The following HHIP variants were observed in gnomAD, a reference collection of about 807,000 sequenced individuals.
The protein encoded by HHIP is hedgehog interacting protein, also known as hedgehog-interacting protein.
Under a neutral mutation model 74.0 loss-of-function variants are expected in HHIP, and 12 were observed. That is an observed-to-expected ratio of 0.16 (90% CI 0.10 to 0.26). The LOEUF is 0.26. Among genes scored for constraint, HHIP ranks in the 10% least tolerant of loss-of-function variants. The pLI, the probability that HHIP is intolerant of heterozygous loss-of-function variation, is 1.00. For synonymous variants in HHIP, 309 were observed against 311.6 expected, an observed-to-expected ratio of 0.99 and a Z score of 0.09; for missense variants, 788 against 845.0, an observed-to-expected ratio of 0.93 and a Z score of 0.84.
At chr4:144,654,439 G>A (rs968496409) in intron 2 of HHIP, among the ~76,000 whole-genome samples, 2 of 152,268 alleles carry the variant, frequency 1.3e-5, no homozygotes, top group Middle Eastern at 3.4e-3. Flanking sequence ...AGTGGACAGA[G>A]CAGCAACAGT....
intron 11 of HHIP, among the ~76,000 whole-genome samples, chr4:144,732,247 T>A (rs1730981203): frequency 1.3e-5 from 2 of 152,154 alleles, no homozygotes; most frequent in African/African-American, 4.8e-5. Flanking sequence ...ATGTTATTTA[T>A]CAACTGTGTA....
chr4:144,686,544 A>T (rs527840614), intron 4 of HHIP, among the ~76,000 whole-genome samples: 2 of 152,294 alleles, frequency 1.3e-5, no homozygotes, highest in East Asian at 3.9e-4. Flanking sequence ...TTAAAGATAC[A>T]TTAGAAATAT....
At chr4:144,695,681 T>A (rs1729795161) in intron 4 of HHIP, among the ~76,000 whole-genome samples, 1 of 151,878 alleles carries the variant, frequency 6.6e-6, no homozygotes, top group African/African-American at 2.4e-5. Context: ...TATATTTTAA[T>A]GAAAAAACGA....
chr4:144,661,584 A>G (rs1398110503), intron 4 of HHIP, among the ~76,000 whole-genome samples: 1 of 152,208 alleles, frequency 6.6e-6, no homozygotes, highest in Non-Finnish European at 1.5e-5. Context: ...GTCATGCTGC[A>G]CATGGCCTTT....
At chr4:144,736,986 C>T (rs1049020936) in intron 12 of HHIP, among the ~76,000 whole-genome samples, 2 of 152,126 alleles carry the variant, frequency 1.3e-5, no homozygotes, top group Non-Finnish European at 2.9e-5. Flanking sequence ...TGACTCCATC[C>T]CCAGTGACTG....
At chr4:144,723,345 C>T (rs935858227) in intron 11 of HHIP, among the ~76,000 whole-genome samples, 1 of 152,090 alleles carries the variant, frequency 6.6e-6, no homozygotes, top group African/African-American at 2.4e-5. Context: ...ATTCCTCTTC[C>T]CCCCATGGCC....
chr4:144,716,596 C>T (rs1368665869), intron 10 of HHIP, among the ~76,000 whole-genome samples: 1 of 151,804 alleles, frequency 6.6e-6, no homozygotes, highest in Admixed American at 6.6e-5. Flanking sequence ...GCCTGTAATC[C>T]CAGCAATTTG....
In HHIP at chr4:144,681,501, C is replaced by A. The variant is rs1228252023; in HGVS notation, c.831+21663C>A. The stretch of plus-strand genomic sequence containing the variant: ...AGTGCAGTGGCGTAATCTCGGCTCA[C>A]TGCAGCCTCCGCATCCTGGGTCAAG... On this transcript the variant is annotated intron_variant, in intron 4 of 12. Transcript: ENST00000296575. Among the ~76,000 whole-genome samples the A allele has an allele frequency of 3.4e-5, 5 of 147,536 alleles. No individual in the cohort carries two copies. In the Admixed American group the frequency reaches 3.4e-4, roughly 10 times the overall value.
intron 7 of HHIP, among the ~76,000 whole-genome samples, chr4:144,711,076 C>G (rs1008392525): frequency 3.3e-5 from 5 of 152,062 alleles, no homozygotes; most frequent in African/African-American, 1.2e-4. Flanking sequence ...CTGTCAGTGG[C>G]TTAAGTCACA....
At chr4:144,703,541 T>C (rs975976421) in intron 4 of HHIP, among the ~76,000 whole-genome samples, 19 of 152,294 alleles carry the variant, frequency 1.2e-4, no homozygotes, top group South Asian at 4.1e-4. Context: ...GCTTTGTTTT[T>C]TTCTACTGAG....
intron 11 of HHIP, among the ~76,000 whole-genome samples, chr4:144,731,592 G>T (rs1730956845): frequency 6.6e-6 from 1 of 151,934 alleles, no homozygotes. Flanking sequence ...GCTAATTTTT[G>T]TATTTTTAGT....
chr4:144,721,418 G>A (rs1730631058), intron 11 of HHIP, among the ~76,000 whole-genome samples: 2 of 152,070 alleles, frequency 1.3e-5, no homozygotes, highest in African/African-American at 4.8e-5. Flanking sequence ...ACCTCAGTCT[G>A]TAAGGACAAT....
At chr4:144,735,036 A>T (rs1731072981) in intron 12 of HHIP, 147 bp downstream of exon 12, 2 of 646,624 alleles carry the variant, frequency 3.1e-6, no homozygotes, top group Middle Eastern at 4.4e-4. Flanking sequence ...TCATCTGTTT[A>T]TGAGCTTGTA....
chr4:144,730,028 T>C (rs1560723368), intron 11 of HHIP, among the ~76,000 whole-genome samples: 1 of 152,222 alleles, frequency 6.6e-6, no homozygotes, highest in Non-Finnish European at 1.5e-5. Flanking sequence ...TACTGATTTA[T>C]TTGTTCATCC....
At chr4:144,715,505 T>A in intron 10 of HHIP, 75 bp downstream of exon 10, 1 of 1,383,096 alleles carries the variant, frequency 7.2e-7, no homozygotes, top group Non-Finnish European at 1.0e-6. Flanking sequence ...CCCTGAAGAA[T>A]AAATACAGCA....
intron 4 of HHIP, among the ~76,000 whole-genome samples, chr4:144,691,501 C>T (rs1726868324): frequency 6.6e-6 from 1 of 152,008 alleles, no homozygotes; most frequent in South Asian, 2.1e-4. Context: ...AGGAGTTTTG[C>T]TTTTTTAACC....
At chr4:144,713,370 AC>A (rs1560716488) in intron 8 of HHIP, among the ~76,000 whole-genome samples, 1 of 152,058 alleles carries the variant, frequency 6.6e-6, no homozygotes, top group East Asian at 1.9e-4. Flanking sequence ...TATCTTTTCT[AC>A]TTTTTTGTAG....
At chr4:144,671,313 AGGG>A (rs1244236337) in intron 4 of HHIP, among the ~76,000 whole-genome samples, 2 of 122,414 alleles carry the variant, frequency 1.6e-5, no homozygotes, top group East Asian at 4.4e-4. Context: ...TCGTCCAAGG[AGGG>A]TGTTTTTTTT....
chr4:144,725,539 G>T (rs959402643), intron 11 of HHIP, among the ~76,000 whole-genome samples: 2 of 152,126 alleles, frequency 1.3e-5, no homozygotes, highest in African/African-American at 4.8e-5. Context: ...TTTATAAGTG[G>T]GGAAATGGAG....
Sources: gnomAD v4.1 joint callset for allele counts (sites outside exome capture counted in the v4.1 genomes callset) on GRCh38, gnomAD v4.1.1 for gene constraint, MANE v1.5 for transcripts, NCBI Gene and HGNC (gene_info 2026-07-23, HGNC 2026-07-21) for gene names.